Variants in NAV3 observed in about 807,000 individuals in gnomAD.
NAV3 encodes the protein pore membrane and/or filament interacting like protein 1.
NAV3 carries 87 observed loss-of-function variants against 244.7 expected under a neutral mutation model. The ratio of observed to expected loss-of-function variants is 0.36; its 90% CI spans 0.30 to 0.42. The LOEUF (loss-of-function observed/expected upper bound fraction) is 0.42, where lower values mean the gene tolerates loss of function less well. NAV3 is among the 20% of genes least tolerant of loss of function. The pLI is 1.00. For missense variants in NAV3, 2,663 were observed against 2,893.3 expected, an observed-to-expected ratio of 0.92 and a Z score of 1.83; for synonymous variants, 1,126 against 1,042.2, an observed-to-expected ratio of 1.08 and a Z score of -1.55.
chr12:77,939,607 G>A (rs1889672132), intron 1 of NAV3, among the ~76,000 whole-genome samples: 1 of 151,980 alleles, frequency 6.6e-6, no homozygotes, highest in African/African-American at 2.4e-5. Context: ...TGAAATTTTT[G>A]TAGAGTTTCA....
intron 2 of NAV3, among the ~76,000 whole-genome samples, chr12:77,703,651 G>A (rs899601480): frequency 2.0e-5 from 3 of 152,042 alleles, no homozygotes; most frequent in African/African-American, 7.2e-5. Flanking sequence ...AACTATGAGG[G>A]TTCAAATTCC....
intron 1 of NAV3, among the ~76,000 whole-genome samples, chr12:77,913,904 T>G (rs1165040068): frequency 6.6e-6 from 1 of 152,126 alleles, no homozygotes; most frequent in Non-Finnish European, 1.5e-5. Context: ...GGATTTAGAA[T>G]TTGTCATGTA....
At chr12:77,645,170 G>A (rs1218134952) in intron 2 of NAV3, among the ~76,000 whole-genome samples, 1 of 152,010 alleles carries the variant, frequency 6.6e-6, no homozygotes, top group Non-Finnish European at 1.5e-5. Context: ...TAAAAGAGAT[G>A]GTAAAACAGC....
At chr12:77,956,217 A>T (rs1453381899) in intron 3 of NAV3, among the ~76,000 whole-genome samples, 1 of 152,186 alleles carries the variant, frequency 6.6e-6, no homozygotes, top group African/African-American at 2.4e-5. Context: ...AAAACATCTT[A>T]TCTATTTTTT....
At chr12:77,709,870 T>C (rs1876021707) in intron 2 of NAV3, among the ~76,000 whole-genome samples, 1 of 152,202 alleles carries the variant, frequency 6.6e-6, no homozygotes, top group African/African-American at 2.4e-5. Context: ...AGTTTCAAAC[T>C]ATCTTTTAAG....
intron 12 of NAV3, among the ~76,000 whole-genome samples, chr12:78,111,864 T>A (rs1400373394): frequency 6.6e-6 from 1 of 152,216 alleles, no homozygotes; most frequent in Non-Finnish European, 1.5e-5. Flanking sequence ...CATATATTCC[T>A]GTGAAAAGAT....
At chr12:78,202,683 A>G (rs1035410564) in intron 38 of NAV3, among the ~76,000 whole-genome samples, 6 of 152,066 alleles carry the variant, frequency 3.9e-5, no homozygotes, top group Non-Finnish European at 8.8e-5. Context: ...GGTTAGTGTG[A>G]AAGATGAATC....
chr12:78,097,111 C>G (rs747927323), intron 12 of NAV3, among the ~76,000 whole-genome samples: 1 of 152,178 alleles, frequency 6.6e-6, no homozygotes, highest in Non-Finnish European at 1.5e-5. Flanking sequence ...CTGAGAGCAG[C>G]TGGCAGTGTT....
chr12:77,976,562 C>G (rs1477804816), intron 5 of NAV3, among the ~76,000 whole-genome samples: 1 of 151,792 alleles, frequency 6.6e-6, no homozygotes, highest in Non-Finnish European at 1.5e-5. Flanking sequence ...TTATATGGAG[C>G]CCTTTCTGAA....
chr12:77,767,342 A>AGCT (rs1203741184), intron 2 of NAV3, among the ~76,000 whole-genome samples: 1 of 152,210 alleles, frequency 6.6e-6, no homozygotes, highest in Non-Finnish European at 1.5e-5. Context: ...TCGCTTTTCC[A>AGCT]GCTGGAAACC....
At chr12:77,604,256 A>AC (rs1870570774) in intron 2 of NAV3, among the ~76,000 whole-genome samples, 2 of 152,212 alleles carry the variant, frequency 1.3e-5, no homozygotes, top group Admixed American at 6.6e-5. Flanking sequence ...CAGACTGGAT[A>AC]CTTTTTTTTC....
intron 1 of NAV3, among the ~76,000 whole-genome samples, chr12:77,866,812 C>T (rs563134673): frequency 8.5e-5 from 13 of 152,178 alleles, no homozygotes; most frequent in Non-Finnish European, 1.5e-5. Flanking sequence ...TAGTCAAATT[C>T]TTCCATGAAA....
intron 13 of NAV3, 74 bp downstream of exon 13, chr12:78,116,978 G>A (rs535409517): frequency 1.3e-6 from 2 of 1,525,678 alleles, no homozygotes; most frequent in African/African-American, 1.4e-5. Flanking sequence ...ATTAGATTAA[G>A]GTATAGCACA....
At chr12:78,104,484 C>T (rs935989256) in intron 12 of NAV3, among the ~76,000 whole-genome samples, 4 of 152,216 alleles carry the variant, frequency 2.6e-5, no homozygotes, top group African/African-American at 9.6e-5. Flanking sequence ...ACAAGCCTGC[C>T]TCTAACTGTG....
chr12:77,986,528 G>C (rs989756432), intron 5 of NAV3, among the ~76,000 whole-genome samples: 8 of 152,112 alleles, frequency 5.3e-5, no homozygotes, highest in Non-Finnish European at 8.8e-5. Flanking sequence ...TACATTATAT[G>C]AGGTTGAGGT....
At chr12:77,975,724 T>C (rs1163323366) in intron 5 of NAV3, among the ~76,000 whole-genome samples, 1 of 152,196 alleles carries the variant, frequency 6.6e-6, no homozygotes, top group East Asian at 1.9e-4. Context: ...AGAGTAGATA[T>C]AATTCAAAGA....
At chr12:77,593,928 AAC>A (rs1352920807) in intron 2 of NAV3, among the ~76,000 whole-genome samples, 1 of 152,120 alleles carries the variant, frequency 6.6e-6, no homozygotes, top group Non-Finnish European at 1.5e-5. Context: ...TGCGATCCTA[AAC>A]ACGTGAAATT....
At chr12:77,652,906 T>C (rs1019616209) in intron 2 of NAV3, among the ~76,000 whole-genome samples, 1 of 152,244 alleles carries the variant, frequency 6.6e-6, no homozygotes, top group Non-Finnish European at 1.5e-5. Flanking sequence ...ATGTCTGTTT[T>C]TCTGTTATAA....
intron 12 of NAV3, chr12:78,088,931 A>G (rs143758643): frequency 6.6e-6 from 1 of 152,260 alleles, no homozygotes; most frequent in South Asian, 2.1e-4. Context: ...CAGCATTTGG[A>G]TTAGTAATTT....
Sources: gnomAD v4.1 joint callset for allele counts (sites outside exome capture counted in the v4.1 genomes callset) on GRCh38, gnomAD v4.1.1 for gene constraint, MANE v1.5 for transcripts, NCBI Gene and HGNC (gene_info 2026-07-23, HGNC 2026-07-21) for gene names.